The following HSPBAP1 variants were observed in gnomAD, a reference collection of about 807,000 sequenced individuals.
HSPBAP1 encodes HSPB1 associated protein 1.
Under a neutral mutation model 45.2 loss-of-function variants are expected in HSPBAP1, and 27 were observed. The observed-to-expected ratio is 0.60, with a 90% confidence interval of 0.44 to 0.82. The LOEUF (loss-of-function observed/expected upper bound fraction) is 0.82. HSPBAP1 is among the 40% of genes least tolerant of loss of function. The probability of loss-of-function intolerance (pLI) is 0.00; values close to 1 mark genes in which losing one functional copy is unlikely to be tolerated. For missense variants in HSPBAP1, 510 were observed against 590.9 expected (o/e 0.86, Z 1.42); for synonymous variants, 204 against 202.7 (o/e 1.01, Z -0.06).
chr3:122,741,030 A>G lies in HSPBAP1; in HGVS notation c.909T>C (p.Asn303=), dbSNP rs1399899784. 1.9e-6 allele frequency: 3 copies of G among 1,613,998 alleles called. No individual in the cohort carries two copies. Among genetic ancestry groups the G allele is most frequent in the Non-Finnish European group, 2.5e-6 (3 of 1,179,954 alleles). The change falls in exon 7 of 8, where the codon AAT becomes AAC. Residue 303 remains asparagine (N), a synonymous_variant. Coordinates refer to ENST00000306103, the MANE Select transcript of HSPBAP1 (RefSeq NM_024610.6). ...CALKTAENPQ[N]TRAWLNPTEV... is the part of the protein sequence containing the mutation. ...CAGTGGGGTTTAACCAGGCTCTGGT[A>G]TTTTGTGGATTCTCTGCAGTTTTCA... is the stretch of plus-strand genomic sequence containing the variant.
intron 6 of HSPBAP1, chr3:122,741,457 T>C: frequency 5.0e-6 from 1 of 201,880 alleles, no homozygotes; most frequent in Non-Finnish European, 1.0e-5. Context: ...ATAATCCCTA[T>C]AGAGTCTGAC....
intron 6 of HSPBAP1, among the ~76,000 whole-genome samples, chr3:122,744,075 T>C (rs1260535893): frequency 2.8e-5 from 3 of 106,738 alleles, no homozygotes; most frequent in African/African-American, 1.1e-4. Context: ...CTGGTGCTCG[T>C]TGTATTATAT....
At chr3:122,769,003 C>T (rs955163789) in intron 2 of HSPBAP1, 121 bp from the exon 3 acceptor site, 27 of 712,878 alleles carry the variant, frequency 3.8e-5, no homozygotes, top group African/African-American at 5.4e-5. Flanking sequence ...ATTAAAAATT[C>T]GTGTTGAGCC....
chr3:122,754,454 T>C (rs762187444), intron 5 of HSPBAP1: 16 of 743,106 alleles, frequency 2.2e-5, no homozygotes, highest in Non-Finnish European at 2.5e-5. Flanking sequence ...TAGAAAAAGA[T>C]TAGTTGTTGT....
In HSPBAP1 at chr3:122,781,676, G is replaced by T. The variant is rs1212395941; in HGVS notation, c.65-3770C>A. Among the ~76,000 whole-genome samples, 8 of 152,292 alleles carry T rather than the reference G, an allele frequency of 5.3e-5. No homozygotes were observed. In the East Asian group the frequency reaches 1.5e-3, roughly 29 times the overall value. On this transcript the variant is annotated intron_variant, in intron 1 of 7. Coordinates refer to ENST00000306103, the MANE Select transcript of HSPBAP1 (RefSeq NM_024610.6). ...GTTTACTGTTCCCATCTTTATGTCT[G>T]TGTGTACTTGATGTTTAGCTCCCAC...
chr3:122,752,979 T>C lies in HSPBAP1; in HGVS notation c.742-305A>G, dbSNP rs570934505. The C allele has an allele frequency of 5.3e-5, 57 of 1,080,010 alleles. No individual in the cohort carries two copies. The South Asian group carries it at 1.9e-3, about 37-fold the overall frequency. 66.9% of individuals were successfully genotyped at this position (1,080,010 alleles called of 1,614,324 possible). A position where few individuals can be genotyped will look rare whatever the true frequency, so the allele number is the denominator to read the frequency against. On this transcript the variant is annotated intron_variant, in intron 5 of 7. Coordinates refer to ENST00000306103, the MANE Select transcript of HSPBAP1 (RefSeq NM_024610.6). ...ATTCTGAGATTCTAATTTTTCCTCC[T>C]TTCCGTCACAAAATAGTTGCGTGCA...
chr3:122,773,303 GTTT>G lies in HSPBAP1; in HGVS notation c.250+4415_250+4417del, dbSNP rs36065763. 6.4e-3 allele frequency among the ~76,000 whole-genome samples: 542 copies of G among 84,444 alleles called. 2 individuals are homozygous for G. Among genetic ancestry groups the G allele is most frequent in the African/African-American group, 0.013 (270 of 21,342 alleles). The allele number at this position is 84,444 out of a possible 152,430, so 55.4% of individuals were successfully genotyped here. A position where few individuals can be genotyped will look rare whatever the true frequency, so the allele number is the denominator to read the frequency against. On this transcript the variant is annotated intron_variant, in intron 2 of 7. Transcript: ENST00000306103. ...ACATCACCAGCAATCAAATAAATGT[GTTT>G]TTTTTTTTTTTTTTTTTTTTGGAGA...
intron 2 of HSPBAP1, among the ~76,000 whole-genome samples, chr3:122,772,635 G>A (rs1225041032): frequency 6.6e-6 from 1 of 151,390 alleles, no homozygotes; most frequent in Admixed American, 6.6e-5. Flanking sequence ...AATAAGAAAT[G>A]GATAGTTAAA....
intron 4 of HSPBAP1, 34 bp from the exon 5 acceptor site, chr3:122,755,465 G>A: frequency 1.5e-6 from 2 of 1,350,354 alleles, no homozygotes; most frequent in Non-Finnish European, 2.0e-6. Flanking sequence ...ATACAAGTTA[G>A]TACTCTGACC....
Position 122,741,059 on chromosome 3 carries a change from C to T in HSPBAP1, c.880G>A (p.Ala294Thr), listed in dbSNP as rs373908110. The change falls in exon 7 of 8, where the codon GCC becomes ACC. Residue 294 changes from alanine (A) to threonine (T), a missense_variant. By Grantham distance (58) the Ala-to-Thr change is moderately conservative. Coordinates refer to ENST00000306103, the MANE Select transcript of HSPBAP1 (RefSeq NM_024610.6). Reference protein sequence around the residue: ...EEAITRMLVCALKTAENPQNT... With the variant: ...EEAITRMLVCTLKTAENPQNT... The stretch of plus-strand genomic sequence containing the variant: ...TGTGGATTCTCTGCAGTTTTCAGGG[C>T]ACACACAAGCATACGGGTGATTGCC... The T allele has an allele frequency of 6.2e-6, 10 of 1,614,034 alleles. No homozygotes were observed. Among genetic ancestry groups the T allele is most frequent in the Non-Finnish European group, 7.6e-6 (9 of 1,180,014 alleles).
chr3:122,785,413 C>G (rs1044499789), intron 1 of HSPBAP1, among the ~76,000 whole-genome samples: 7 of 152,324 alleles, frequency 4.6e-5, no homozygotes, highest in Admixed American at 4.6e-4. Flanking sequence ...TCCCTGATAT[C>G]TGATCAGGTT....
intron 1 of HSPBAP1, among the ~76,000 whole-genome samples, chr3:122,780,145 CCCACCTCCCTCCT>C (rs1935364930): frequency 5.8e-5 from 7 of 120,836 alleles, no homozygotes; most frequent in Non-Finnish European, 1.1e-4. Context: ...AGCTGACCCC[CCCACCTCCCTCCT>C]GGACGGGGCG....
At chr3:122,783,775 T>TACC (rs34958410) in intron 1 of HSPBAP1, among the ~76,000 whole-genome samples, 25,785 of 152,044 alleles carry the variant, frequency 0.17, 3,110 homozygotes, top group East Asian at 0.53. Context: ...CAGCCTTTAT[T>TACC]ACCCATCTTT....
chr3:122,743,422 T>C (rs1162430629), intron 6 of HSPBAP1, among the ~76,000 whole-genome samples: 2 of 152,072 alleles, frequency 1.3e-5, no homozygotes, highest in Non-Finnish European at 2.9e-5. Flanking sequence ...CAAAATTAGC[T>C]GGGCCTGGTG....
At chr3:122,754,022 C>A (rs1271329491) in intron 5 of HSPBAP1, 5 of 405,316 alleles carry the variant, frequency 1.2e-5, no homozygotes, top group Non-Finnish European at 1.7e-5. Context: ...AACCCTCATA[C>A]AATGCTGGTG....
At chr3:122,767,407 G>A (rs1934824566) in intron 3 of HSPBAP1, among the ~76,000 whole-genome samples, 3 of 152,164 alleles carry the variant, frequency 2.0e-5, no homozygotes, top group Admixed American at 2.0e-4. Flanking sequence ...GGGCATGGCG[G>A]CAGTCACCTG....
chr3:122,790,493 C>T (rs1031354987), intron 1 of HSPBAP1, among the ~76,000 whole-genome samples: 1 of 152,188 alleles, frequency 6.6e-6, no homozygotes, highest in Non-Finnish European at 1.5e-5. Context: ...TATTGAGTAT[C>T]ATATCCCAGC....
intron 6 of HSPBAP1, among the ~76,000 whole-genome samples, chr3:122,746,656 C>T (rs1199951744): frequency 4.0e-5 from 6 of 150,362 alleles, no homozygotes; most frequent in East Asian, 1.9e-4. Flanking sequence ...CCCCTCTCCC[C>T]ACGGTCTCCC....
intron 4 of HSPBAP1, 22 bp from the exon 5 acceptor site, chr3:122,755,453 A>C: frequency 5.6e-6 from 8 of 1,419,146 alleles, no homozygotes; most frequent in Non-Finnish European, 7.5e-6. Context: ...AAAAAAAAAA[A>C]GATACAAGTT....
Sources: allele counts gnomAD v4.1 joint callset (sites outside exome capture counted in the v4.1 genomes callset), GRCh38; gene constraint gnomAD v4.1.1; transcripts MANE v1.5; gene names NCBI Gene and HGNC (gene_info 2026-07-23, HGNC 2026-07-21).